TCAF1: variants seen among roughly 807,000 people sequenced by gnomAD.
TCAF1 encodes TRPM8 channel associated factor 1.
In TCAF1, 4 loss-of-function variants were observed where a neutral mutation model predicts 27.3. The ratio of observed to expected loss-of-function variants is 0.15; its 90% CI spans 0.07 to 0.34. TCAF1 has a LOEUF of 0.34. Ranked by LOEUF, TCAF1 falls within the 10% of genes least tolerant of loss-of-function variation. The pLI is 1.00. For synonymous variants in TCAF1, 105 were observed against 167.1 expected, an observed-to-expected ratio of 0.63 and a Z score of 2.87; for missense variants, 257 against 425.8, an observed-to-expected ratio of 0.60 and a Z score of 3.49.
chr7:143,861,909 AG>A (rs1812042635), intron 4 of TCAF1, among the ~76,000 whole-genome samples: 2 of 84,888 alleles, frequency 2.4e-5, no homozygotes, highest in Admixed American at 1.2e-4. Context: ...GTGACCCCCA[AG>A]GGGGATAGGG....
intron 1 of TCAF1, chr7:143,885,234 C>T (rs1394603310): frequency 7.1e-6 from 7 of 985,476 alleles, no homozygotes; most frequent in Non-Finnish European, 8.4e-6. Flanking sequence ...ATTTCCACAC[C>T]AGGCTACTTT....
intron 1 of TCAF1, chr7:143,882,523 G>T: frequency 1.0e-6 from 1 of 985,384 alleles, no homozygotes. Flanking sequence ...CCCAAGCGCA[G>T]AGGAAAATCA....
chr7:143,882,889 G>A (rs979711686), intron 1 of TCAF1: 2 of 984,638 alleles, frequency 2.0e-6, no homozygotes, highest in Non-Finnish European at 2.4e-6. Context: ...AGGAGAGGAG[G>A]GGTTTCCACG....
intron 1 of TCAF1, among the ~76,000 whole-genome samples, chr7:143,883,331 T>C (rs900123140): frequency 1.4e-4 from 21 of 152,102 alleles, no homozygotes; most frequent in African/African-American, 4.8e-4. Context: ...CCCATTAATA[T>C]TGTTTAACTT....
At chr7:143,880,622 T>C (rs879641192) in intron 1 of TCAF1, among the ~76,000 whole-genome samples, 3 of 152,170 alleles carry the variant, frequency 2.0e-5, no homozygotes, top group Non-Finnish European at 4.4e-5. Context: ...ATTAAAAGAT[T>C]AGGTACAGTT....
At chr7:143,885,406 CG>C (rs1813349652) in intron 1 of TCAF1, 1 of 985,306 alleles carries the variant, frequency 1.0e-6, no homozygotes, top group Non-Finnish European at 1.2e-6. Context: ...GATTGGCTGC[CG>C]CGGGTGGAGG....
intron 1 of TCAF1, among the ~76,000 whole-genome samples, chr7:143,899,822 AC>A (rs1814040185): frequency 6.6e-6 from 1 of 152,244 alleles, no homozygotes; most frequent in African/African-American, 2.4e-5. Flanking sequence ...ACAATCCAAT[AC>A]AAAAATGAAA....
intron 1 of TCAF1, among the ~76,000 whole-genome samples, chr7:143,883,500 CTTTTTTTTTTTT>C (rs374825743): frequency 3.1e-4 from 30 of 98,080 alleles, no homozygotes; most frequent in African/African-American, 1.1e-3. Flanking sequence ...TTTCCTTTTT[CTTTTTTTTTTTT>C]TTTTTTTTTT....
chr7:143,888,331 G>C (rs888448031), intron 1 of TCAF1, among the ~76,000 whole-genome samples: 5 of 152,172 alleles, frequency 3.3e-5, no homozygotes, highest in Admixed American at 2.6e-4. Context: ...AAACCCTGGA[G>C]AATGTATGGG....
rs141844509 is a variant in TCAF1, at chr7:143,890,879, G to A, written c.-15+11082C>T. The stretch of plus-strand genomic sequence containing the variant: ...AATAGGAGAGACCTCAAGGAAACTT[G>A]TAGGAAATAGTGGCCAAAGAGCTAA... On this transcript the variant is annotated intron_variant, in intron 1 of 8. Coordinates refer to ENST00000479870, the MANE Select transcript of TCAF1 (RefSeq NM_014719.3). Among the ~76,000 whole-genome samples, 3 of 152,328 alleles carry A rather than the reference G, an allele frequency of 2.0e-5. No homozygotes were observed. In the East Asian group the frequency reaches 5.8e-4, roughly 29 times the overall value.
At chr7:143,886,700 C>CTTTTTTTTT (rs11398264) in intron 1 of TCAF1, among the ~76,000 whole-genome samples, 6 of 89,162 alleles carry the variant, frequency 6.7e-5, no homozygotes, top group African/African-American at 1.0e-4. Context: ...CAAATTTTAC[C>CTTTTTTTTT]TTTTTTTTTT....
intron 1 of TCAF1, among the ~76,000 whole-genome samples, chr7:143,879,611 C>CA (rs1812907959): frequency 1.3e-5 from 2 of 152,116 alleles, no homozygotes; most frequent in Non-Finnish European, 2.9e-5. Flanking sequence ...CAAAGATATA[C>CA]GTACAGGATG....
chr7:143,882,820 T>G (rs922805943), intron 1 of TCAF1: 39 of 985,502 alleles, frequency 4.0e-5, no homozygotes, highest in Non-Finnish European at 4.2e-5. Context: ...GAGGCTTCCC[T>G]GTACCAGTGA....
chr7:143,891,930 G>C (rs1272098581), intron 1 of TCAF1, among the ~76,000 whole-genome samples: 2 of 151,926 alleles, frequency 1.3e-5, no homozygotes, highest in Non-Finnish European at 2.9e-5. Flanking sequence ...TTTTTCAAAA[G>C]AGTGATGAAA....
At position 143,851,875 on chromosome 7, in the gene TCAF1, GCTTT is replaced by G. The variant is rs756326698; in HGVS notation, c.*2254_*2257del. On this transcript the variant is annotated 3_prime_UTR_variant, in exon 9 of 9. Transcript: ENST00000479870. ...TTCCTCTAATTCTCAATCTCTTTCT[GCTTT>G]CTTTCCCTTTGTCAGCATTAATTAC... is the stretch of plus-strand genomic sequence containing the variant. The G allele has an allele frequency of 1.4e-4, 21 of 152,094 alleles. No homozygotes were observed. Among genetic ancestry groups the G allele is most frequent in the Non-Finnish European group, 2.4e-4 (16 of 68,034 alleles). 9.4% of individuals were successfully genotyped at this position (152,094 alleles called of 1,614,324 possible).
chr7:143,876,438 G>T lies in TCAF1; in HGVS notation c.171C>A (p.Gly57=). 1 of 1,610,716 alleles carries T rather than the reference G, an allele frequency of 6.2e-7. No homozygotes were observed. ...VLIAASSYGR[G]RLVVVSHEDY... is the part of the protein sequence containing the mutation. ...CCTCATGGGACACGACCACCAGGCG[G>T]CCACGGCCATAGGAGGAGGCAGCAA... Residue 57 remains glycine, a synonymous_variant, in exon 2 of 9, where the codon GGC becomes GGA. Coordinates refer to ENST00000479870, the MANE Select transcript of TCAF1 (RefSeq NM_014719.3).
At chr7:143,875,943 G>A (rs746052358) in intron 2 of TCAF1, 46 bp downstream of exon 2, 1 of 1,507,160 alleles carries the variant, frequency 6.6e-7, no homozygotes. Flanking sequence ...AACTGGGTCT[G>A]CTTTTCAACC....
chr7:143,876,300 T>C lies in TCAF1; in HGVS notation c.309A>G (p.Lys103=), dbSNP rs778304580. Residue 103 remains lysine (K), a synonymous_variant, in exon 2 of 9, where the codon AAA becomes AAG. Coordinates refer to ENST00000479870, the MANE Select transcript of TCAF1 (RefSeq NM_014719.3). ...CATCCACTCCAGAGCCCTCGAGGAT[T>C]TTGGCCAAAGGTGCCAGGGATGGGT... ...GVHPSLAPLA[K]ILEGSGVDAK... The C allele has an allele frequency of 5.0e-6, 8 of 1,614,064 alleles. No homozygotes were observed. The highest frequency in any genetic ancestry group is 6.8e-6 in the Non-Finnish European group (8 of 1,180,032).
chr7:143,859,932 ATATAT>A (rs1811836616), intron 6 of TCAF1, among the ~76,000 whole-genome samples: 10 of 86,262 alleles, frequency 1.2e-4, no homozygotes, highest in Non-Finnish European at 1.7e-4. Flanking sequence ...ATATTATATA[ATATAT>A]ATTATATAAT....
Sources: allele counts gnomAD v4.1 joint callset (sites outside exome capture counted in the v4.1 genomes callset), GRCh38; gene constraint gnomAD v4.1.1; transcripts MANE v1.5; gene names NCBI Gene and HGNC (gene_info 2026-07-23, HGNC 2026-07-21).